Variants in NPAS3 observed in about 807,000 individuals in gnomAD.
NPAS3 encodes the protein neuronal PAS domain-containing protein 3.
NPAS3 carries 14 observed loss-of-function variants against 73.1 expected under a neutral mutation model. The observed-to-expected ratio is 0.19, with a 90% CI of 0.13 to 0.30. The LOEUF (loss-of-function observed/expected upper bound fraction) is 0.30, where lower values mean the gene tolerates loss of function less well. Ranked by LOEUF, NPAS3 falls within the 10% of genes least tolerant of loss-of-function variation. The probability of loss-of-function intolerance (pLI) is 1.00; values close to 1 mark genes in which losing one functional copy is unlikely to be tolerated. For missense variants in NPAS3, 1,096 were observed against 1,250.0 expected, an observed-to-expected ratio of 0.88 and a Z score of 1.86; for synonymous variants, 620 against 541.5, an observed-to-expected ratio of 1.14 and a Z score of -2.01.
chr14:33,338,375 C>T (rs1002197435), intron 3 of NPAS3, among the ~76,000 whole-genome samples: 1 of 152,050 alleles, frequency 6.6e-6, no homozygotes, highest in Admixed American at 6.6e-5. Context: ...TCAGTGGTTC[C>T]AAATCCATAG....
At chr14:33,652,634 G>C (rs2059028515) in intron 5 of NPAS3, among the ~76,000 whole-genome samples, 1 of 152,182 alleles carries the variant, frequency 6.6e-6, no homozygotes, top group Non-Finnish European at 1.5e-5. Flanking sequence ...AACGAGATGA[G>C]GGACTTTTCC....
At chr14:33,415,014 A>G (rs755184518) in intron 4 of NPAS3, among the ~76,000 whole-genome samples, 1 of 152,096 alleles carries the variant, frequency 6.6e-6, no homozygotes, top group Non-Finnish European at 1.5e-5. Context: ...TTTTCTTGAG[A>G]TGTGCAAAAC....
chr14:33,510,021 C>G (rs1204940591), intron 4 of NPAS3, among the ~76,000 whole-genome samples: 1 of 152,008 alleles, frequency 6.6e-6, no homozygotes, highest in Non-Finnish European at 1.5e-5. Context: ...TTCCCCTCCC[C>G]CAGCACGCCC....
intron 6 of NPAS3, among the ~76,000 whole-genome samples, chr14:33,681,663 T>C (rs1229754874): frequency 1.3e-5 from 2 of 152,168 alleles, no homozygotes; most frequent in Non-Finnish European, 2.9e-5. Flanking sequence ...ATTAATCCCA[T>C]TAATAACTGA....
At chr14:33,627,661 A>G (rs1050008734) in intron 5 of NPAS3, among the ~76,000 whole-genome samples, 4 of 152,258 alleles carry the variant, frequency 2.6e-5, no homozygotes, top group African/African-American at 9.6e-5. Flanking sequence ...CTACAAGAAC[A>G]TCAATAACAA....
intron 6 of NPAS3, among the ~76,000 whole-genome samples, chr14:33,729,231 T>C (rs1441357900): frequency 2.0e-5 from 3 of 152,152 alleles, no homozygotes; most frequent in Non-Finnish European, 1.5e-5. Context: ...TAAAAGTCAA[T>C]ATTTCAGGTA....
chr14:33,487,723 A>C (rs1408737846), intron 4 of NPAS3, among the ~76,000 whole-genome samples: 1 of 152,194 alleles, frequency 6.6e-6, no homozygotes, highest in African/African-American at 2.4e-5. Flanking sequence ...TTTTCGTGGA[A>C]AATGTGAGTT....
intron 6 of NPAS3, among the ~76,000 whole-genome samples, chr14:33,695,583 A>G (rs568105448): frequency 6.6e-6 from 1 of 152,218 alleles, no homozygotes; most frequent in Non-Finnish European, 1.5e-5. Flanking sequence ...ATAAAACTTT[A>G]ATTTTGTGAG....
Position 33,681,962 on chromosome 14 carries a change from CTT to C in NPAS3, c.733+5578_733+5579del, listed in dbSNP as rs534721088. Among the ~76,000 whole-genome samples the C allele has an allele frequency of 5.3e-4, 80 of 152,318 alleles. 2 individuals carry two copies. In the South Asian group the frequency reaches 0.016, roughly 31 times the overall value. On this transcript the variant is annotated intron_variant, in intron 6 of 11. Coordinates refer to ENST00000356141, the Ensembl canonical transcript of NPAS3. ...TACAAACAAACAGTGTAGTGACTAA[CTT>C]AACATAGAAATGGAATTTGTTTGGA... is the stretch of plus-strand genomic sequence containing the variant.
chr14:33,494,916 G>T (rs2052094584), intron 4 of NPAS3, among the ~76,000 whole-genome samples: 1 of 152,050 alleles, frequency 6.6e-6, no homozygotes, highest in Non-Finnish European at 1.5e-5. Flanking sequence ...CAATCACTGA[G>T]CCATGCACAA....
chr14:33,113,529 CTT>C (rs1404952296), intron 2 of NPAS3, among the ~76,000 whole-genome samples: 9 of 152,240 alleles, frequency 5.9e-5, no homozygotes, highest in African/African-American at 1.9e-4. Flanking sequence ...TATCCTGAGA[CTT>C]TGCTGAAGTT....
chr14:33,077,774 G>GTTTGTTTTTTTTT (rs1555333249), intron 2 of NPAS3, among the ~76,000 whole-genome samples: 1 of 87,470 alleles, frequency 1.1e-5, no homozygotes, highest in African/African-American at 3.9e-5. Context: ...TGCAGTAAGG[G>GTTTGTTTTTTTTT]TTTTTTTTTT....
chr14:33,758,971 A>G (rs1318365641), intron 7 of NPAS3, among the ~76,000 whole-genome samples: 2 of 152,256 alleles, frequency 1.3e-5, no homozygotes, highest in African/African-American at 4.8e-5. Flanking sequence ...ATAACAATCA[A>G]TTAATAAATG....
At chr14:33,201,300 G>GGTGTGTGTGTGTGTGTGTGT (rs34700439) in intron 2 of NPAS3, among the ~76,000 whole-genome samples, 3,191 of 150,940 alleles carry the variant, frequency 0.021, 74 homozygotes, top group African/African-American at 0.057. Context: ...CCCTAACAAT[G>GGTGTGTGTGTGTGTGTGTGT]GTGTGTGTGT....
chr14:32,984,444 CAG>C (rs1566431948), intron 1 of NPAS3, among the ~76,000 whole-genome samples: 1 of 152,114 alleles, frequency 6.6e-6, no homozygotes, highest in African/African-American at 2.4e-5. Context: ...TGAACTGTAA[CAG>C]AGATCTGGTT....
At chr14:33,230,102 C>A (rs2047791662) in intron 3 of NPAS3, among the ~76,000 whole-genome samples, 1 of 152,132 alleles carries the variant, frequency 6.6e-6, no homozygotes, top group African/African-American at 2.4e-5. Flanking sequence ...TTTGCTGATC[C>A]CCTCACAGCA....
chr14:33,061,061 G>A lies in NPAS3; in HGVS notation c.140+5067G>A, dbSNP rs143222558. ...GAGAATGAGTGAAGAAGGAGGGAAC[G>A]TGCCAGTCTTTATCAGCTCTTTTGT... On this transcript the variant is annotated intron_variant, in intron 2 of 11. Coordinates refer to ENST00000356141, the Ensembl canonical transcript of NPAS3. 2.6e-5 allele frequency among the ~76,000 whole-genome samples: 4 copies of A among 152,300 alleles called. No homozygotes were observed. The East Asian group carries it at 5.8e-4, about 22-fold the overall frequency.
chr14:33,016,890 A>C (rs1437330707), intron 1 of NPAS3, among the ~76,000 whole-genome samples: 1 of 152,190 alleles, frequency 6.6e-6, no homozygotes, highest in Non-Finnish European at 1.5e-5. Flanking sequence ...TGTTTGGAAC[A>C]GATGGTATAA....
chr14:33,297,818 C>T (rs752844489), intron 3 of NPAS3, among the ~76,000 whole-genome samples: 12 of 152,254 alleles, frequency 7.9e-5, no homozygotes, highest in East Asian at 1.9e-4. Flanking sequence ...CTGCTGCCAC[C>T]GCGTGAGAAA....
Sources: gnomAD v4.1 joint callset for allele counts (sites outside exome capture counted in the v4.1 genomes callset) on GRCh38, gnomAD v4.1.1 for gene constraint, MANE v1.5 for transcripts, NCBI Gene and HGNC (gene_info 2026-07-23, HGNC 2026-07-21) for gene names.